ZBTB8B: variants seen among roughly 807,000 people sequenced by gnomAD.
ZBTB8B encodes the protein zinc finger and BTB domain-containing protein 8B.
ZBTB8B carries 17 observed loss-of-function variants against 30.3 expected under a neutral mutation model. That is an observed-to-expected ratio of 0.56 (90% CI 0.38 to 0.84). The LOEUF (loss-of-function observed/expected upper bound fraction) is 0.84. Ranked by LOEUF, ZBTB8B falls within the 40% of genes least tolerant of loss-of-function variation. The probability of loss-of-function intolerance (pLI) is 0.00; values close to 1 mark genes in which losing one functional copy is unlikely to be tolerated. For missense variants in ZBTB8B, 515 were observed against 644.9 expected, an observed-to-expected ratio of 0.80 and a Z score of 2.18; for synonymous variants, 248 against 255.6, an observed-to-expected ratio of 0.97 and a Z score of 0.28.
At chr1:32,482,342 C>G (rs1363340817) in intron 3 of ZBTB8B, among the ~76,000 whole-genome samples, 1 of 151,672 alleles carries the variant, frequency 6.6e-6, no homozygotes, top group Non-Finnish European at 1.5e-5. Context: ...GGAAATCTAA[C>G]ATACAAATAG....
chr1:32,488,900 G>C lies in ZBTB8B; in HGVS notation c.*3482G>C, dbSNP rs1378570906. On this transcript the variant is annotated 3_prime_UTR_variant, in exon 4 of 4. Transcript: ENST00000609129. ...CAACCTCCACCTCCCAGGTTCAAGA[G>C]ATTCTTCTGTCTCAGCCTCTTGAGT... The C allele has an allele frequency of 6.6e-6, 1 of 152,214 alleles. No individual in the cohort carries two copies. Among genetic ancestry groups the C allele is most frequent in the Non-Finnish European group, 1.5e-5 (1 of 68,060 alleles). 9.4% of individuals were successfully genotyped at this position (152,214 alleles called of 1,614,324 possible). A position where few individuals can be genotyped will look rare whatever the true frequency, so the allele number is the denominator to read the frequency against.
intron 2 of ZBTB8B, 36 bp from the exon 3 acceptor site, chr1:32,480,855 T>C (rs1643698547): frequency 1.3e-6 from 2 of 1,538,378 alleles, no homozygotes; most frequent in East Asian, 2.5e-5. Context: ...GGTCACTGCA[T>C]ACAGCACAGC....
Position 32,470,587 on chromosome 1 carries a change from T to TA in ZBTB8B, c.-37dup. 2 of 1,503,420 alleles carry TA rather than the reference T, an allele frequency of 1.3e-6. No homozygotes were observed. Among genetic ancestry groups the TA allele is most frequent in the Non-Finnish European group, 1.8e-6 (2 of 1,120,090 alleles). The allele number at this position is 1,503,420 out of a possible 1,614,324, so 93.1% of individuals were successfully genotyped here. ...AACTTAAGAAAAATCTTGGCAGAGA[T>TA]ACAGGTTTGCTCTGGAGCAGCAGCA... is the stretch of plus-strand genomic sequence containing the variant. On this transcript the variant is annotated 5_prime_UTR_variant, in exon 2 of 4. Coordinates refer to ENST00000609129, the MANE Select transcript of ZBTB8B (RefSeq NM_001145720.2).
Position 32,496,150 on chromosome 1 carries a change from C to A in ZBTB8B, c.*10732C>A, listed in dbSNP as rs1643816014. On this transcript the variant is annotated 3_prime_UTR_variant, in exon 4 of 4. Transcript: ENST00000609129. ...CTTTTTTGTCCCACGGTCTTAGGAC[C>A]AACAATTTAGTAATACGAGACAATT... The A allele has an allele frequency of 6.6e-6, 1 of 152,058 alleles. No homozygotes were observed. Among genetic ancestry groups the A allele is most frequent in the Non-Finnish European group, 1.5e-5 (1 of 68,022 alleles). 9.4% of individuals were successfully genotyped at this position (152,058 alleles called of 1,614,324 possible). A position where few individuals can be genotyped will look rare whatever the true frequency, so the allele number is the denominator to read the frequency against.
rs1643805720 is a variant in ZBTB8B, at chr1:32,494,851, T to C, written c.*9433T>C. The C allele has an allele frequency of 6.6e-6, 1 of 152,090 alleles. No homozygotes were observed. Among genetic ancestry groups the C allele is most frequent in the Non-Finnish European group, 1.5e-5 (1 of 68,016 alleles). 9.4% of individuals were successfully genotyped at this position (152,090 alleles called of 1,614,324 possible). ...TTCCACTCTGTCACCCAGGCTGGAG[T>C]GCAGTGGTGCAATCTCGGCCCACTG... is the stretch of plus-strand genomic sequence containing the variant. On this transcript the variant is annotated 3_prime_UTR_variant, in exon 4 of 4. Coordinates refer to ENST00000609129, the MANE Select transcript of ZBTB8B (RefSeq NM_001145720.2).
At chr1:32,476,648 G>C (rs1643666806) in intron 2 of ZBTB8B, among the ~76,000 whole-genome samples, 1 of 152,124 alleles carries the variant, frequency 6.6e-6, no homozygotes, top group African/African-American at 2.4e-5. Context: ...AGCTGGCTGG[G>C]AGTGGTGGCT....
chr1:32,473,340 G>GA (rs980895545), intron 2 of ZBTB8B, among the ~76,000 whole-genome samples: 2 of 151,662 alleles, frequency 1.3e-5, no homozygotes, highest in Non-Finnish European at 2.9e-5. Context: ...AAAAGAAAAG[G>GA]AAAAAAATAC....
At chr1:32,476,381 C>A (rs576392119) in intron 2 of ZBTB8B, among the ~76,000 whole-genome samples, 1 of 151,944 alleles carries the variant, frequency 6.6e-6, no homozygotes, top group Admixed American at 6.6e-5. Context: ...CTGTAAAATC[C>A]GAACTGAACT....
In ZBTB8B at chr1:32,470,960, C is replaced by CA; in HGVS notation, c.336_337insA (p.Phe113IlefsTer7). On this transcript the variant is annotated frameshift_variant, in exon 2 of 4. Coordinates refer to ENST00000609129, the MANE Select transcript of ZBTB8B (RefSeq NM_001145720.2). LOFTEE classifies it high-confidence loss of function. ...ACCTGCAGATGAATGACGTGGTGAA[C>CA]TTCTGCAAGACATACATTAGGTCAT... 6.4e-7 allele frequency: 1 copy of CA among 1,552,262 alleles called. No individual in the cohort carries two copies. Among genetic ancestry groups the CA allele is most frequent in the Non-Finnish European group, 8.7e-7 (1 of 1,147,130 alleles).
chr1:32,480,586 C>A (rs1643696657), intron 2 of ZBTB8B, among the ~76,000 whole-genome samples: 1 of 152,204 alleles, frequency 6.6e-6, no homozygotes, highest in South Asian at 2.1e-4. Context: ...CCACATAAGG[C>A]ACGTGTGTTC....
At chr1:32,466,242 G>C (rs1321702311) in intron 1 of ZBTB8B, among the ~76,000 whole-genome samples, 1 of 152,158 alleles carries the variant, frequency 6.6e-6, no homozygotes. Context: ...ACAGTTGTGT[G>C]ATCTGGCTAG....
At position 32,491,358 on chromosome 1, in the gene ZBTB8B, A is replaced by G. The variant is rs1379464006; in HGVS notation, c.*5940A>G. On this transcript the variant is annotated 3_prime_UTR_variant, in exon 4 of 4. Transcript: ENST00000609129. ...CTACTGCCATCAGAAAAACATGCAA[A>G]TAATACTGCAGTGCCCTCCAAGGGT... The G allele has an allele frequency of 6.6e-6, 1 of 152,202 alleles. No individual in the cohort carries two copies. Among genetic ancestry groups the G allele is most frequent in the East Asian group, 1.9e-4 (1 of 5,196 alleles). The allele number at this position is 152,202 out of a possible 1,614,324, so 9.4% of individuals were successfully genotyped here. A position where few individuals can be genotyped will look rare whatever the true frequency, so the allele number is the denominator to read the frequency against.
chr1:32,468,437 G>A (rs1368567330), intron 1 of ZBTB8B, among the ~76,000 whole-genome samples: 1 of 152,154 alleles, frequency 6.6e-6, no homozygotes, highest in Non-Finnish European at 1.5e-5. Flanking sequence ...CACAGGGTGG[G>A]ATGCCTTAAT....
chr1:32,470,816 C>T lies in ZBTB8B; in HGVS notation c.192C>T (p.Ser64=), dbSNP rs1047509682. 5.2e-6 allele frequency: 8 copies of T among 1,551,870 alleles called. No individual in the cohort carries two copies. The Admixed American group carries it at 1.2e-4, about 23-fold the overall frequency. Residue 64 remains serine (S), a synonymous_variant, in exon 2 of 4, where the codon AGC becomes AGT. Coordinates refer to ENST00000609129, the MANE Select transcript of ZBTB8B (RefSeq NM_001145720.2). ...IHYIQDSGRH[S]TASLDIVTSD... ...ATATCCAGGACAGCGGGCGGCATAGCACCGCCTCCTTGGACATTGTCACCT... is the reference window on the plus strand; with the variant it reads ...ATATCCAGGACAGCGGGCGGCATAGTACCGCCTCCTTGGACATTGTCACCT...
In ZBTB8B at chr1:32,494,546, G is replaced by A. The variant is rs778672205; in HGVS notation, c.*9128G>A. On this transcript the variant is annotated 3_prime_UTR_variant, in exon 4 of 4. Transcript: ENST00000609129. The stretch of plus-strand genomic sequence containing the variant: ...CATTCTTGCAATGCTTAGACAGGGA[G>A]GGGGAAATCACATTTTGAGCATGGG... The A allele has an allele frequency of 1.3e-5, 2 of 152,024 alleles. No individual in the cohort carries two copies. The highest frequency in any genetic ancestry group is 1.5e-5 in the Non-Finnish European group (1 of 68,026). The allele number at this position is 152,024 out of a possible 1,614,324, so 9.4% of individuals were successfully genotyped here. A position where few individuals can be genotyped will look rare whatever the true frequency, so the allele number is the denominator to read the frequency against.
chr1:32,483,263 A>C (rs1643720765), intron 3 of ZBTB8B, among the ~76,000 whole-genome samples: 1 of 147,066 alleles, frequency 6.8e-6, no homozygotes, highest in Non-Finnish European at 1.5e-5. Flanking sequence ...AAAAAAAAAA[A>C]AAAAAAAAAA....
At position 32,471,206 on chromosome 1, in the gene ZBTB8B, C is replaced by G; in HGVS notation, c.582C>G (p.Cys194Trp). Reference sequence around the variant, plus strand: ...TGGAGTGCCTGAGAGAGTCCCCTTGCGGTGACTGCGGAGACTGCCACCCCT... The same window carrying G: ...TGGAGTGCCTGAGAGAGTCCCCTTGGGGTGACTGCGGAGACTGCCACCCCT... ...KSVECLRESP[C>W]GDCGDCHPLE... The change falls in exon 2 of 4, where the codon TGC (cysteine) becomes TGG (tryptophan). Residue 194 changes from cysteine to tryptophan, a missense_variant. Transcript: ENST00000609129. 1 of 1,551,878 alleles carries G rather than the reference C, an allele frequency of 6.4e-7. No individual in the cohort carries two copies. Among genetic ancestry groups the G allele is most frequent in the Non-Finnish European group, 8.7e-7 (1 of 1,147,038 alleles).
intron 2 of ZBTB8B, among the ~76,000 whole-genome samples, chr1:32,476,198 C>T (rs1161011588): frequency 6.6e-5 from 10 of 152,104 alleles, no homozygotes; most frequent in African/African-American, 1.9e-4. Flanking sequence ...TGCAGTGGCA[C>T]GATCACAGCT....
chr1:32,467,659 A>T (rs1643581557), intron 1 of ZBTB8B, among the ~76,000 whole-genome samples: 1 of 152,194 alleles, frequency 6.6e-6, no homozygotes, highest in Non-Finnish European at 1.5e-5. Flanking sequence ...ACTCTGCCAG[A>T]TACTGTAAGG....
Sources: gnomAD v4.1 joint callset for allele counts (sites outside exome capture counted in the v4.1 genomes callset) on GRCh38, gnomAD v4.1.1 for gene constraint, MANE v1.5 for transcripts, NCBI Gene and HGNC (gene_info 2026-07-23, HGNC 2026-07-21) for gene names.